The following TMTC2 variants were observed in gnomAD, a reference collection of about 807,000 sequenced individuals.
TMTC2 encodes the protein transmembrane O-mannosyltransferase targeting cadherins 2.
In TMTC2, 43 loss-of-function variants were observed where a neutral mutation model predicts 82.4. The observed-to-expected ratio is 0.52, with a 90% CI of 0.41 to 0.67. The LOEUF (loss-of-function observed/expected upper bound fraction) is 0.67, where lower values mean the gene tolerates loss of function less well. Among genes scored for constraint, TMTC2 ranks in the 30% least tolerant of loss-of-function variants. The pLI is 0.00. For synonymous variants in TMTC2, 408 were observed against 381.9 expected, an observed-to-expected ratio of 1.07 and a Z score of -0.80; for missense variants, 919 against 1,012.4, an observed-to-expected ratio of 0.91 and a Z score of 1.25.
At chr12:82,821,102 T>C (rs994400304) in intron 1 of TMTC2, among the ~76,000 whole-genome samples, 2 of 152,136 alleles carry the variant, frequency 1.3e-5, no homozygotes, top group Non-Finnish European at 2.9e-5. Context: ...CAAGCCATCC[T>C]CTTGCCTTGG....
chr12:82,823,654 G>C (rs1869239784), intron 1 of TMTC2, among the ~76,000 whole-genome samples: 1 of 152,164 alleles, frequency 6.6e-6, no homozygotes, highest in Admixed American at 6.5e-5. Context: ...TTTAGGATTT[G>C]GACCTCTTTC....
chr12:82,739,921 C>T (rs1875311907), intron 1 of TMTC2, among the ~76,000 whole-genome samples: 1 of 151,656 alleles, frequency 6.6e-6, no homozygotes, highest in African/African-American at 2.4e-5. Context: ...GTTTCTTAAA[C>T]TATGAAAGTG....
At chr12:82,860,246 A>ACCACGTC (rs1871472519) in intron 2 of TMTC2, among the ~76,000 whole-genome samples, 1 of 152,202 alleles carries the variant, frequency 6.6e-6, no homozygotes, top group East Asian at 1.9e-4. Context: ...TGCTGGGATT[A>ACCACGTC]CAGGCGTGAA....
rs34467744 is a variant in TMTC2 at position 83,001,635 on chromosome 12, CAA to C, written c.2070+15607_2070+15608del. 1.6e-3 allele frequency among the ~76,000 whole-genome samples: 151 copies of C among 93,124 alleles called. 3 individuals are homozygous for C. In the East Asian group the frequency reaches 0.024, roughly 15 times the overall value. The allele number at this position is 93,124 out of a possible 152,430, so 61.1% of individuals were successfully genotyped here. Reference sequence around the variant, plus strand: ...GGGCAAAAAGAACAAAACTCTGTCTCAAAAAAAAAAAAAAAAAAAGAAAAAGA... The same window carrying C: ...GGGCAAAAAGAACAAAACTCTGTCTCAAAAAAAAAAAAAAAAAGAAAAAGA... On this transcript the variant is annotated intron_variant, in intron 8 of 11. Transcript: ENST00000321196.
intron 9 of TMTC2, among the ~76,000 whole-genome samples, chr12:83,038,243 T>A (rs1246966849): frequency 1.3e-5 from 2 of 151,958 alleles, no homozygotes; most frequent in Non-Finnish European, 2.9e-5. Context: ...CGTATGTAAC[T>A]AACCTGCACG....
At chr12:83,017,128 C>T (rs1489832811) in intron 8 of TMTC2, among the ~76,000 whole-genome samples, 2 of 152,160 alleles carry the variant, frequency 1.3e-5, no homozygotes, top group East Asian at 3.9e-4. Flanking sequence ...TTTGTTAATG[C>T]TCTCTTTGTT....
Position 82,845,956 on chromosome 12 carries a change from T to G in TMTC2, c.84-11054T>G, listed in dbSNP as rs982121879. Among the ~76,000 whole-genome samples, 167 of 147,634 alleles carry G rather than the reference T, an allele frequency of 1.1e-3. 2 individuals are homozygous for G. Among genetic ancestry groups the G allele is most frequent in the African/African-American group, 3.9e-3 (149 of 38,090 alleles). On this transcript the variant is annotated intron_variant, in intron 1 of 11. Transcript: ENST00000321196. Reference sequence around the variant, plus strand: ...TTTTTTGTGTTTGTTTTTTTTTTTTTTGATATTTCCTGTAGAAATTGTGAA... The same window carrying G: ...TTTTTTGTGTTTGTTTTTTTTTTTTGTGATATTTCCTGTAGAAATTGTGAA...
chr12:82,941,262 C>T (rs1876703837), intron 4 of TMTC2, among the ~76,000 whole-genome samples: 1 of 152,126 alleles, frequency 6.6e-6, no homozygotes, highest in African/African-American at 2.4e-5. Flanking sequence ...CTTCCTGCCT[C>T]AGCCTCCCCA....
intron 8 of TMTC2, among the ~76,000 whole-genome samples, chr12:83,025,021 G>A (rs11115538): frequency 0.59 from 89,908 of 151,912 alleles, 27,147 homozygotes; most frequent in South Asian, 0.73. Context: ...GTGAAACCCC[G>A]TGTCTACTAA....
intron 11 of TMTC2, among the ~76,000 whole-genome samples, chr12:83,067,492 C>T (rs553734947): frequency 7.9e-5 from 12 of 151,668 alleles, no homozygotes; most frequent in Non-Finnish European, 1.3e-4. Flanking sequence ...TTGCTTCCTC[C>T]CCAGTGACTG....
At chr12:82,911,097 G>A (rs1389523393) in intron 3 of TMTC2, among the ~76,000 whole-genome samples, 1 of 152,042 alleles carries the variant, frequency 6.6e-6, no homozygotes, top group Admixed American at 6.6e-5. Flanking sequence ...AGCCAGGATG[G>A]TCTCTATCTC....
At chr12:83,048,637 A>G (rs1882228551) in intron 9 of TMTC2, among the ~76,000 whole-genome samples, 1 of 152,202 alleles carries the variant, frequency 6.6e-6, no homozygotes, top group African/African-American at 2.4e-5. Context: ...ACTGAAGTTT[A>G]GAAATACTTA....
In TMTC2 at chr12:82,896,373, C is replaced by G; in HGVS notation, c.1210C>G (p.Pro404Ala). 3.7e-6 allele frequency: 6 copies of G among 1,614,092 alleles called. No individual in the cohort carries two copies. The highest frequency in any genetic ancestry group is 4.2e-6 in the Non-Finnish European group (5 of 1,180,028). ...TCTGTCTTTATCTTTGTTAATCATA[C>G]CCTTTGTTCCTGCCACGAACCTGTT... ...VVLSLSLLII[P>A]FVPATNLFFY... The change falls in exon 3 of 12, where the codon CCC becomes GCC. Residue 404 changes from proline to alanine, a missense_variant. Physicochemically the swap from Pro to Ala is conservative, Grantham distance 27. Coordinates refer to ENST00000321196, the MANE Select transcript of TMTC2 (RefSeq NM_152588.3).
At chr12:82,939,917 G>A (rs1176670498) in intron 4 of TMTC2, among the ~76,000 whole-genome samples, 2 of 151,698 alleles carry the variant, frequency 1.3e-5, no homozygotes, top group East Asian at 1.9e-4. Flanking sequence ...GGTTTTCATC[G>A]GTTTTGCAGT....
rs553032279 is a variant in TMTC2, at chr12:82,870,710, A to G, written c.654+13130A>G. On this transcript the variant is annotated intron_variant, in intron 2 of 11. Transcript: ENST00000321196. ...AGTCTTAAAGTTTCTTTGACCACAGAATATCACTTTAGCTTCTTGCTGTCT... is the reference window on the plus strand; with the variant it reads ...AGTCTTAAAGTTTCTTTGACCACAGGATATCACTTTAGCTTCTTGCTGTCT... Among the ~76,000 whole-genome samples, 6 of 152,340 alleles carry G rather than the reference A, an allele frequency of 3.9e-5. No homozygotes were observed. In the East Asian group the frequency reaches 9.6e-4, roughly 24 times the overall value.
chr12:82,726,744 TG>T (rs1365013559), intron 1 of TMTC2, among the ~76,000 whole-genome samples: 1 of 151,652 alleles, frequency 6.6e-6, no homozygotes, highest in Admixed American at 6.6e-5. Context: ...CCGGGCGTGT[TG>T]GTGGGCGCCT....
At chr12:82,692,954 A>G (rs975017349) in intron 1 of TMTC2, among the ~76,000 whole-genome samples, 18 of 152,182 alleles carry the variant, frequency 1.2e-4, no homozygotes, top group Non-Finnish European at 2.5e-4. Context: ...TATGATTTGT[A>G]TGTGCTTTTG....
intron 2 of TMTC2, among the ~76,000 whole-genome samples, chr12:82,863,593 C>T (rs1871662230): frequency 6.6e-6 from 1 of 152,148 alleles, no homozygotes; most frequent in South Asian, 2.1e-4. Context: ...CTCCCTTGTT[C>T]AGCTGATTTA....
At chr12:83,028,796 C>G (rs7303157) in intron 8 of TMTC2, among the ~76,000 whole-genome samples, 6 of 152,082 alleles carry the variant, frequency 3.9e-5, no homozygotes, top group Non-Finnish European at 7.4e-5. Context: ...GAAACCTAAT[C>G]GGTAAGATAC....
Sources: gnomAD v4.1 joint callset for allele counts (sites outside exome capture counted in the v4.1 genomes callset) on GRCh38, gnomAD v4.1.1 for gene constraint, MANE v1.5 for transcripts, NCBI Gene and HGNC (gene_info 2026-07-23, HGNC 2026-07-21) for gene names.